The following ADGRE1 variants were observed in gnomAD, a reference collection of about 807,000 sequenced individuals.
The protein encoded by ADGRE1 is adhesion G protein-coupled receptor E1.
A neutral mutation model predicts 102.7 loss-of-function variants in ADGRE1; 82 were observed. The observed-to-expected ratio is 0.80, with a 90% CI of 0.67 to 0.96. The LOEUF (loss-of-function observed/expected upper bound fraction) is 0.96. ADGRE1 is among the 40% of genes least tolerant of loss of function. ADGRE1 has a pLI of 0.00. For synonymous variants in ADGRE1, 398 were observed against 399.6 expected (o/e 1.00, Z 0.05); for missense variants, 1,032 against 1,085.3 (o/e 0.95, Z 0.69).
At chr19:6,907,264 A>G (rs1385318600) in intron 9 of ADGRE1, among the ~76,000 whole-genome samples, 1 of 151,970 alleles carries the variant, frequency 6.6e-6, no homozygotes. Context: ...CACTTTAACT[A>G]TTTTAAAGTG....
chr19:6,913,579 A>G, intron 10 of ADGRE1, 74 bp from the exon 11 acceptor site: 1 of 1,387,070 alleles, frequency 7.2e-7, no homozygotes, highest in Non-Finnish European at 9.6e-7. Flanking sequence ...CCTATTCTTA[A>G]TCAGAAAAGG....
rs193160085 is a variant in ADGRE1, at chr19:6,940,447, C to T, written c.*418C>T. On this transcript the variant is annotated 3_prime_UTR_variant, in exon 21 of 21. Coordinates refer to ENST00000312053, the MANE Select transcript of ADGRE1 (RefSeq NM_001974.5). ...TTTGTCGCCTGTCTGACTGATTTAC[C>T]CTAGGATAAAGACTCTTTGTGATTT... 3 of 202,518 alleles carry T rather than the reference C, an allele frequency of 1.5e-5. No homozygotes were observed. In the East Asian group the frequency reaches 3.7e-4, roughly 25 times the overall value. 12.5% of individuals were successfully genotyped at this position (202,518 alleles called of 1,614,324 possible).
chr19:6,897,210 G>C lies in ADGRE1; in HGVS notation c.300G>C (p.Leu100=), dbSNP rs554194774. 185 of 1,612,506 alleles carry C rather than the reference G, an allele frequency of 1.1e-4. No individual in the cohort carries two copies. Among genetic ancestry groups the C allele is most frequent in the Non-Finnish European group, 1.6e-4 (183 of 1,179,872 alleles). The change falls in exon 4 of 21, where the codon CTG becomes CTC. Residue 100 remains leucine, a synonymous_variant. Transcript: ENST00000312053. ...PCGPNSSCKN[L]SGRYKCSCLD... Reference sequence around the variant, plus strand: ...GTCCTAACTCATCCTGCAAAAACCTGTCAGGGAGGTACAAGTGCAGCTGTT... The same window carrying C: ...GTCCTAACTCATCCTGCAAAAACCTCTCAGGGAGGTACAAGTGCAGCTGTT...
At chr19:6,919,195 G>A (rs1433651273) in intron 12 of ADGRE1, among the ~76,000 whole-genome samples, 1 of 151,984 alleles carries the variant, frequency 6.6e-6, no homozygotes, top group Non-Finnish European at 1.5e-5. Context: ...ACCACGCCCG[G>A]CTAATTTTTT....
At chr19:6,937,498 C>T (rs1381745633) in intron 19 of ADGRE1, 46 bp from the exon 20 acceptor site, 1 of 1,564,372 alleles carries the variant, frequency 6.4e-7, no homozygotes, top group African/African-American at 1.4e-5. Context: ...ACATCCCTGT[C>T]ACTGGACCAT....
intron 18 of ADGRE1, among the ~76,000 whole-genome samples, chr19:6,935,929 A>C (rs1975384943): frequency 6.6e-6 from 1 of 152,192 alleles, no homozygotes; most frequent in Non-Finnish European, 1.5e-5. Flanking sequence ...CTTTTGTTAT[A>C]CATATTTTAT....
At chr19:6,911,874 A>C (rs906769599) in intron 10 of ADGRE1, among the ~76,000 whole-genome samples, 1 of 151,112 alleles carries the variant, frequency 6.6e-6, no homozygotes, top group Non-Finnish European at 1.5e-5. Context: ...CACACACCCC[A>C]CACACATTTA....
intron 17 of ADGRE1, 97 bp downstream of exon 17, chr19:6,928,308 A>G (rs909846397): frequency 6.2e-7 from 1 of 1,604,790 alleles, no homozygotes; most frequent in African/African-American, 1.3e-5. Context: ...TGCAGCTGAG[A>G]GGGTCACTTA....
intron 5 of ADGRE1, chr19:6,898,355 C>A: frequency 6.3e-7 from 1 of 1,597,946 alleles, no homozygotes; most frequent in Non-Finnish European, 8.6e-7. Flanking sequence ...CCTAATTCAT[C>A]CTGCAAAAAC....
chr19:6,904,753 G>T (rs4807107), intron 8 of ADGRE1, among the ~76,000 whole-genome samples: 56,101 of 151,758 alleles, frequency 0.37, 12,175 homozygotes, highest in African/African-American at 0.6. Context: ...TGATCAGCCC[G>T]CCTCGGCCTC....
intron 5 of ADGRE1, among the ~76,000 whole-genome samples, chr19:6,900,037 T>C (rs1161659873): frequency 6.8e-6 from 1 of 148,008 alleles, no homozygotes; most frequent in Non-Finnish European, 1.5e-5. Flanking sequence ...GAGCTTGCAG[T>C]GAGCCGAGAT....
chr19:6,906,163 A>G (rs1252924631), intron 8 of ADGRE1, among the ~76,000 whole-genome samples: 1 of 152,170 alleles, frequency 6.6e-6, no homozygotes, highest in Non-Finnish European at 1.5e-5. Context: ...AGTCACACAT[A>G]TAAAAGACAT....
At chr19:6,901,020 G>T (rs962483643) in intron 5 of ADGRE1, among the ~76,000 whole-genome samples, 1 of 152,146 alleles carries the variant, frequency 6.6e-6, no homozygotes, top group Non-Finnish European at 1.5e-5. Context: ...GCCACCTTAG[G>T]TGTGAGCCTC....
rs1973772220 is a variant in ADGRE1 at position 6,901,786 on chromosome 19, A to G, written c.515-89A>G. 4.3e-6 allele frequency: 6 copies of G among 1,396,222 alleles called. No individual in the cohort carries two copies. The Admixed American group carries it at 7.1e-5, about 16-fold the overall frequency. 86.5% of individuals were successfully genotyped at this position (1,396,222 alleles called of 1,614,324 possible). A position where few individuals can be genotyped will look rare whatever the true frequency, so the allele number is the denominator to read the frequency against. ...GGAGCATCAGCCCTGTCTGCTGAAA[A>G]TCAACACTCAGAGTGCATCTCCTAT... is the stretch of plus-strand genomic sequence containing the variant. On this transcript the variant is annotated intron_variant, in intron 5 of 20. Coordinates refer to ENST00000312053, the MANE Select transcript of ADGRE1 (RefSeq NM_001974.5).
intron 2 of ADGRE1, among the ~76,000 whole-genome samples, chr19:6,892,605 T>G (rs1407405072): frequency 2.0e-5 from 3 of 152,166 alleles, no homozygotes; most frequent in Non-Finnish European, 4.4e-5. Flanking sequence ...TGTTAAAACC[T>G]TATGTTGTGT....
chr19:6,908,211 G>T (rs367956475), intron 9 of ADGRE1, among the ~76,000 whole-genome samples: 7 of 152,142 alleles, frequency 4.6e-5, no homozygotes, highest in African/African-American at 1.7e-4. Context: ...CCTTTATTTC[G>T]GCCCATCCCT....
At chr19:6,899,469 A>G (rs1423422465) in intron 5 of ADGRE1, among the ~76,000 whole-genome samples, 1 of 151,976 alleles carries the variant, frequency 6.6e-6, no homozygotes, top group Admixed American at 6.5e-5. Context: ...ACTTGAGGTC[A>G]GGAGTTCAAG....
intron 14 of ADGRE1, among the ~76,000 whole-genome samples, chr19:6,922,610 T>TCACA (rs1491300878): frequency 1.1e-3 from 128 of 119,978 alleles, no homozygotes; most frequent in African/African-American, 3.5e-3. Context: ...TGAGACTCTG[T>TCACA]CTCACACACA....
intron 14 of ADGRE1, 133 bp from the exon 15 acceptor site, chr19:6,924,545 C>T (rs1436689648): frequency 1.4e-6 from 1 of 692,792 alleles, no homozygotes; most frequent in East Asian, 2.7e-5. Flanking sequence ...GTATCTAGTT[C>T]ACTCTGAGTG....
Sources: allele counts gnomAD v4.1 joint callset (sites outside exome capture counted in the v4.1 genomes callset), GRCh38; gene constraint gnomAD v4.1.1; transcripts MANE v1.5; gene names NCBI Gene and HGNC (gene_info 2026-07-23, HGNC 2026-07-21).